Variants in PPP3CC observed in about 807,000 individuals in gnomAD.
The protein encoded by PPP3CC is protein phosphatase 3 catalytic subunit gamma, also known as serine/threonine-protein phosphatase 2B catalytic subunit gamma isoform.
Under a neutral mutation model 60.3 loss-of-function variants are expected in PPP3CC, and 35 were observed. That is an observed-to-expected ratio of 0.58 (90% CI 0.44 to 0.77). The LOEUF is 0.77. PPP3CC is among the 30% of genes least tolerant of loss of function. The pLI is 0.00. For synonymous variants in PPP3CC, 206 were observed against 224.3 expected, an observed-to-expected ratio of 0.92 and a Z score of 0.73; for missense variants, 570 against 628.9, an observed-to-expected ratio of 0.91 and a Z score of 1.00.
rs559480471 is a variant in PPP3CC at position 22,442,693 on chromosome 8, G to A, written c.49+1235G>A. On this transcript the variant is annotated intron_variant, in intron 1 of 13. Transcript: ENST00000240139. ...GCTAAATTATTGTGACCATTTAAAT[G>A]TGTCTTCATATTATTAGTGTATAGC... Among the ~76,000 whole-genome samples the A allele has an allele frequency of 2.1e-3, 319 of 152,270 alleles. 2 individuals are homozygous for A. The highest frequency in any genetic ancestry group is 4.0e-3 in the Non-Finnish European group (270 of 68,018).
At chr8:22,516,315 A>C (rs1839242480) in intron 6 of PPP3CC, among the ~76,000 whole-genome samples, 1 of 152,142 alleles carries the variant, frequency 6.6e-6, no homozygotes, top group Non-Finnish European at 1.5e-5. Context: ...ATTTCTTTTT[A>C]CATTGCTTAA....
At chr8:22,512,001 GC>G (rs1390758361) in intron 5 of PPP3CC, among the ~76,000 whole-genome samples, 73 of 152,210 alleles carry the variant, frequency 4.8e-4, no homozygotes, top group African/African-American at 1.7e-3. Context: ...TGTTTTACTT[GC>G]CTTCCTTGGT....
At chr8:22,525,968 A>G (rs1045682421) in intron 8 of PPP3CC, among the ~76,000 whole-genome samples, 2 of 151,452 alleles carry the variant, frequency 1.3e-5, no homozygotes, top group Non-Finnish European at 2.9e-5. Flanking sequence ...CCCGGGTTCA[A>G]GCAATTCTCC....
intron 3 of PPP3CC, among the ~76,000 whole-genome samples, chr8:22,484,865 G>A (rs1203866822): frequency 1.3e-5 from 2 of 152,126 alleles, no homozygotes; most frequent in Non-Finnish European, 2.9e-5. Flanking sequence ...TGAAGAAAGA[G>A]TTTAGAAAAA....
chr8:22,498,678 C>A (rs1027804962), intron 4 of PPP3CC, among the ~76,000 whole-genome samples: 3 of 152,212 alleles, frequency 2.0e-5, no homozygotes, highest in Non-Finnish European at 2.9e-5. Context: ...TTTTTGACAA[C>A]ATGGTTTGTA....
intron 1 of PPP3CC, among the ~76,000 whole-genome samples, chr8:22,460,678 G>C (rs1340688457): frequency 1.3e-5 from 2 of 151,924 alleles, no homozygotes; most frequent in Non-Finnish European, 2.9e-5. Flanking sequence ...AATTAGTCAG[G>C]TGTCATGGTG....
intron 3 of PPP3CC, among the ~76,000 whole-genome samples, chr8:22,479,299 A>G (rs1391395550): frequency 6.6e-6 from 1 of 152,154 alleles, no homozygotes; most frequent in African/African-American, 2.4e-5. Flanking sequence ...TACAAATCAG[A>G]GATAATCACT....
At chr8:22,482,356 C>A (rs931282038) in intron 3 of PPP3CC, among the ~76,000 whole-genome samples, 4 of 151,982 alleles carry the variant, frequency 2.6e-5, no homozygotes, top group African/African-American at 9.7e-5. Flanking sequence ...CTGTTCATAT[C>A]CTTTGCCCAC....
At chr8:22,476,687 C>A (rs539115454) in intron 3 of PPP3CC, among the ~76,000 whole-genome samples, 68 of 152,228 alleles carry the variant, frequency 4.5e-4, no homozygotes, top group Non-Finnish European at 7.6e-4. Flanking sequence ...AATCCCAGCA[C>A]TTTGGGAGGC....
intron 6 of PPP3CC, among the ~76,000 whole-genome samples, chr8:22,521,039 C>T (rs2117116531): frequency 6.6e-6 from 1 of 152,240 alleles, no homozygotes; most frequent in Middle Eastern, 3.4e-3. Flanking sequence ...TATGGGGCTA[C>T]ATTAGGGTTC....
intron 4 of PPP3CC, among the ~76,000 whole-genome samples, chr8:22,510,685 T>A (rs1011489287): frequency 5.3e-5 from 8 of 152,184 alleles, no homozygotes; most frequent in African/African-American, 1.7e-4. Flanking sequence ...GTGGGAAGAT[T>A]AGGGAGCCAT....
chr8:22,446,406 C>G (rs546519974), intron 1 of PPP3CC, among the ~76,000 whole-genome samples: 263 of 152,056 alleles, frequency 1.7e-3, no homozygotes, highest in African/African-American at 6.1e-3. Context: ...AAACAAGGGA[C>G]TCTGAGAGAA....
At chr8:22,464,853 C>T (rs776614830) in intron 1 of PPP3CC, among the ~76,000 whole-genome samples, 19 of 152,260 alleles carry the variant, frequency 1.2e-4, no homozygotes, top group Middle Eastern at 3.4e-3. Flanking sequence ...ACCCACTTTA[C>T]TGGAGAATGA....
chr8:22,450,689 G>A (rs1364704645), intron 1 of PPP3CC, among the ~76,000 whole-genome samples: 1 of 152,170 alleles, frequency 6.6e-6, no homozygotes, highest in African/African-American at 2.4e-5. Context: ...CTTCCTGCCT[G>A]TGGGATAAAC....
At chr8:22,493,063 A>G in intron 3 of PPP3CC, 1 of 1,476,358 alleles carries the variant, frequency 6.8e-7, no homozygotes, top group Non-Finnish European at 9.4e-7. Flanking sequence ...AATTTTGATG[A>G]GGCTTCCAAG....
intron 6 of PPP3CC, among the ~76,000 whole-genome samples, chr8:22,520,413 C>G (rs1199511558): frequency 2.6e-5 from 4 of 152,088 alleles, no homozygotes; most frequent in Admixed American, 2.6e-4. Flanking sequence ...GCTTTCTGCC[C>G]CTTTTTCTTC....
At chr8:22,502,267 A>T (rs998059022) in intron 4 of PPP3CC, among the ~76,000 whole-genome samples, 1 of 152,214 alleles carries the variant, frequency 6.6e-6, no homozygotes, top group East Asian at 1.9e-4. Flanking sequence ...ATGCTTAAGG[A>T]TGTTCACTGC....
chr8:22,483,233 A>C (rs539602975), intron 3 of PPP3CC, among the ~76,000 whole-genome samples: 1 of 152,246 alleles, frequency 6.6e-6, no homozygotes, highest in African/African-American at 2.4e-5. Context: ...TTACTATCAA[A>C]GCTCAATCTT....
chr8:22,451,729 C>CT (rs201945027), intron 1 of PPP3CC, among the ~76,000 whole-genome samples: 4,729 of 152,342 alleles, frequency 0.031, 169 homozygotes, highest in Admixed American at 0.11. Flanking sequence ...AGGGTAGTGA[C>CT]ACATTTGCTT....
Sources: allele counts gnomAD v4.1 joint callset (sites outside exome capture counted in the v4.1 genomes callset), GRCh38; gene constraint gnomAD v4.1.1; transcripts MANE v1.5; gene names NCBI Gene and HGNC (gene_info 2026-07-23, HGNC 2026-07-21).